The following SEPTIN10 variants were observed in gnomAD, a reference collection of about 807,000 sequenced individuals.
The protein encoded by SEPTIN10 is septin-10.
In SEPTIN10, 66 loss-of-function variants were observed where a neutral mutation model predicts 54.8. That is an observed-to-expected ratio of 1.21 (90% CI 0.99 to 1.48). The LOEUF is 1.48. SEPTIN10 is among the 40% of genes most tolerant of loss of function. The probability of loss-of-function intolerance (pLI) is 0.00; values close to 1 mark genes in which losing one functional copy is unlikely to be tolerated. For synonymous variants in SEPTIN10, 161 were observed against 181.0 expected, an observed-to-expected ratio of 0.89 and a Z score of 0.89; for missense variants, 620 against 545.6, an observed-to-expected ratio of 1.14 and a Z score of -1.36.
intron 1 of SEPTIN10, among the ~76,000 whole-genome samples, chr2:109,598,156 G>A (rs1695718435): frequency 6.6e-6 from 1 of 151,986 alleles, no homozygotes; most frequent in Non-Finnish European, 1.5e-5. Context: ...TCTGCCTTCT[G>A]GGTTCAAGCG....
At chr2:109,594,442 GTAGC>G (rs1408995942) in intron 1 of SEPTIN10, among the ~76,000 whole-genome samples, 1 of 152,088 alleles carries the variant, frequency 6.6e-6, no homozygotes, top group Non-Finnish European at 1.5e-5. Context: ...TATATAAATG[GTAGC>G]TGTCTACTGC....
intron 1 of SEPTIN10, among the ~76,000 whole-genome samples, chr2:109,596,519 A>G (rs1267334350): frequency 1.3e-5 from 2 of 152,064 alleles, no homozygotes; most frequent in Non-Finnish European, 2.9e-5. Flanking sequence ...CGGGAGGCTG[A>G]GGCAGGAGAA....
intron 9 of SEPTIN10, among the ~76,000 whole-genome samples, chr2:109,550,829 T>A (rs183941382): frequency 1.3e-5 from 2 of 152,318 alleles, no homozygotes; most frequent in African/African-American, 4.8e-5. Flanking sequence ...AAGGCTCCTG[T>A]TCTCCTCATG....
chr2:109,545,545 T>C, intron 10 of SEPTIN10: 1 of 1,535,638 alleles, frequency 6.5e-7, no homozygotes. Flanking sequence ...CTGGTTCCCT[T>C]ATTAAAATAA....
intron 9 of SEPTIN10, among the ~76,000 whole-genome samples, chr2:109,550,107 A>G (rs1186863933): frequency 6.6e-6 from 1 of 151,824 alleles, no homozygotes. Context: ...CCTGACCAAC[A>G]TGGAGAAACC....
chr2:109,586,922 T>G (rs1206580177), intron 2 of SEPTIN10, among the ~76,000 whole-genome samples: 1 of 151,996 alleles, frequency 6.6e-6, no homozygotes, highest in Non-Finnish European at 1.5e-5. Context: ...AGAACAAAGT[T>G]CAAGACTCTG....
At chr2:109,570,469 A>T (rs530393170) in intron 5 of SEPTIN10, among the ~76,000 whole-genome samples, 1 of 152,298 alleles carries the variant, frequency 6.6e-6, no homozygotes, top group East Asian at 1.9e-4. Context: ...CAAGAAAAAT[A>T]ATACAAATTT....
chr2:109,598,043 T>G lies in SEPTIN10; in HGVS notation c.31-4924A>C, dbSNP rs1695689883. Among the ~76,000 whole-genome samples the G allele has an allele frequency of 1.3e-5, 2 of 152,130 alleles. 1 individual carries two copies. Among genetic ancestry groups the G allele is most frequent in the African/African-American group, 4.8e-5 (2 of 41,426 alleles). On this transcript the variant is annotated intron_variant, in intron 1 of 10. Coordinates refer to ENST00000397712, the MANE Select transcript of SEPTIN10 (RefSeq NM_144710.5). Reference sequence around the variant, plus strand: ...GAGCCTCAGGAAACAGAATCCTGACTTAGCTTTATGTTTTTTTGTTTTGTT... The same window carrying G: ...GAGCCTCAGGAAACAGAATCCTGACGTAGCTTTATGTTTTTTTGTTTTGTT...
At chr2:109,587,924 A>G (rs553135835) in intron 2 of SEPTIN10, among the ~76,000 whole-genome samples, 1 of 151,610 alleles carries the variant, frequency 6.6e-6, no homozygotes, top group South Asian at 2.1e-4. Flanking sequence ...AAAAAAAAAA[A>G]CAAAAACAAA....
chr2:109,571,107 C>T (rs1688271202), intron 5 of SEPTIN10, among the ~76,000 whole-genome samples: 2 of 152,288 alleles, frequency 1.3e-5, no homozygotes, highest in South Asian at 4.1e-4. Context: ...TCTCCTCCTC[C>T]TTCTCAGGTC....
At chr2:109,577,319 G>A (rs7577865) in intron 4 of SEPTIN10, among the ~76,000 whole-genome samples, 20,453 of 152,074 alleles carry the variant, frequency 0.13, 1,866 homozygotes, top group African/African-American at 0.26. Context: ...GAACTCGGCC[G>A]GGCATGGTGG....
chr2:109,567,072 A>T (rs1687206954), intron 6 of SEPTIN10, among the ~76,000 whole-genome samples: 1 of 152,224 alleles, frequency 6.6e-6, no homozygotes, highest in Admixed American at 6.5e-5. Flanking sequence ...ATGAAAAATC[A>T]GAAAAGGAAA....
chr2:109,565,173 T>C (rs1273324567), intron 7 of SEPTIN10, among the ~76,000 whole-genome samples: 1 of 151,730 alleles, frequency 6.6e-6, no homozygotes, highest in Non-Finnish European at 1.5e-5. Flanking sequence ...AAATGTTATA[T>C]TTTCTCAATT....
At chr2:109,569,219 G>A (rs1244418391) in intron 5 of SEPTIN10, among the ~76,000 whole-genome samples, 1 of 151,880 alleles carries the variant, frequency 6.6e-6, no homozygotes, top group Non-Finnish European at 1.5e-5. Context: ...ACCTGAGGTC[G>A]GGAGTTCGAG....
intron 1 of SEPTIN10, among the ~76,000 whole-genome samples, chr2:109,610,402 TA>T (rs1431430150): frequency 6.6e-6 from 1 of 151,960 alleles, no homozygotes; most frequent in East Asian, 1.9e-4. Flanking sequence ...CCCTGAATTT[TA>T]ATATCCTCTT....
At chr2:109,571,313 T>C (rs571600224) in intron 5 of SEPTIN10, among the ~76,000 whole-genome samples, 4 of 152,312 alleles carry the variant, frequency 2.6e-5, no homozygotes, top group African/African-American at 7.2e-5. Flanking sequence ...AGAAATGCGA[T>C]AGAAATATGA....
intron 8 of SEPTIN10, among the ~76,000 whole-genome samples, chr2:109,563,696 C>T (rs111743515): frequency 6.6e-6 from 1 of 152,152 alleles, no homozygotes; most frequent in Non-Finnish European, 1.5e-5. Context: ...TGTAATATGG[C>T]AAGAAACAAT....
chr2:109,571,302 T>C (rs1267178315), intron 5 of SEPTIN10, among the ~76,000 whole-genome samples: 1 of 152,168 alleles, frequency 6.6e-6, no homozygotes, highest in Non-Finnish European at 1.5e-5. Flanking sequence ...AACATGGTGA[T>C]AGAAATGCGA....
chr2:109,610,095 G>GTTTTTTTTTTTTTTT (rs554268137), intron 1 of SEPTIN10, among the ~76,000 whole-genome samples: 1 of 143,432 alleles, frequency 7.0e-6, no homozygotes, highest in Admixed American at 6.9e-5. Context: ...TCCCTGAGGT[G>GTTTTTTTTTTTTTTT]TTTTTTTTTT....
Sources: gnomAD v4.1 joint callset for allele counts (sites outside exome capture counted in the v4.1 genomes callset) on GRCh38, gnomAD v4.1.1 for gene constraint, MANE v1.5 for transcripts, NCBI Gene and HGNC (gene_info 2026-07-23, HGNC 2026-07-21) for gene names.